VPS52: variants seen among roughly 807,000 people sequenced by gnomAD.
VPS52 encodes the protein VPS52 subunit of GARP complex, also known as vacuolar protein sorting-associated protein 52 homolog.
In VPS52, 56 loss-of-function variants were observed where a neutral mutation model predicts 98.7. The ratio of observed to expected loss-of-function variants is 0.57; its 90% CI spans 0.46 to 0.71. The LOEUF is 0.71. VPS52 is among the 30% of genes least tolerant of loss of function. VPS52 has a pLI of 0.00. For missense variants in VPS52, 742 were observed against 925.9 expected (o/e 0.80, Z 2.58); for synonymous variants, 348 against 346.4 (o/e 1.00, Z -0.05).
At position 33,250,531 on chromosome 6, in the gene VPS52, G is replaced by A. The variant is rs925014906; in HGVS notation, c.*310C>T. 1 of 344,334 alleles carries A rather than the reference G, an allele frequency of 2.9e-6. No individual in the cohort carries two copies. Among genetic ancestry groups the A allele is most frequent in the Non-Finnish European group, 5.3e-6 (1 of 189,504 alleles). 21.3% of individuals were successfully genotyped at this position (344,334 alleles called of 1,614,324 possible). On this transcript the variant is annotated 3_prime_UTR_variant, in exon 20 of 20. Transcript: ENST00000445902. ...GATTGAGGCAGTGGTTTTTACAGGG[G>A]AAGAAACAAGCCTTGGGTGTATGGG...
rs9501289 is a variant in VPS52, at chr6:33,263,283, A to C, written c.1794+201T>G. Among the ~76,000 whole-genome samples, 248 of 150,576 alleles carry C rather than the reference A, an allele frequency of 1.6e-3. 3 individuals are homozygous for C. The highest frequency in any genetic ancestry group is 5.7e-3 in the African/African-American group (235 of 40,990). The stretch of plus-strand genomic sequence containing the variant: ...TGCCTCAAAAAAAAAAAAAAAAAAA[A>C]ACCAAAGACAAAATAAAATAAAATA... On this transcript the variant is annotated intron_variant, in intron 17 of 19. Coordinates refer to ENST00000445902, the MANE Select transcript of VPS52 (RefSeq NM_022553.6).
At position 33,271,328 on chromosome 6, in the gene VPS52, T is replaced by C. The variant is rs539073511; in HGVS notation, c.90+258A>G. 1,032 of 668,912 alleles carry C rather than the reference T, an allele frequency of 1.5e-3. 10 individuals carry two copies. In the Middle Eastern group the frequency reaches 0.016, roughly 11 times the overall value. The allele number at this position is 668,912 out of a possible 1,614,324, so 41.4% of individuals were successfully genotyped here. A position where few individuals can be genotyped will look rare whatever the true frequency, so the allele number is the denominator to read the frequency against. ...AGTCTGGCTTCAGAGGCCATGTTCTTAACCTTTACACTATACTACTTCGTG... is the reference window on the plus strand; with the variant it reads ...AGTCTGGCTTCAGAGGCCATGTTCTCAACCTTTACACTATACTACTTCGTG... On this transcript the variant is annotated intron_variant, in intron 1 of 19. Coordinates refer to ENST00000445902, the MANE Select transcript of VPS52 (RefSeq NM_022553.6).
intron 12 of VPS52, among the ~76,000 whole-genome samples, chr6:33,265,296 G>A (rs1451615383): frequency 6.6e-6 from 1 of 152,104 alleles, no homozygotes; most frequent in Non-Finnish European, 1.5e-5. Flanking sequence ...AGCTGGTCTC[G>A]AACTCCTGAC....
At position 33,268,150 on chromosome 6, in the gene VPS52, A is replaced by G; in HGVS notation, c.758T>C (p.Met253Thr). The G allele has an allele frequency of 1.2e-6, 2 of 1,613,078 alleles. No individual in the cohort carries two copies. The highest frequency in any genetic ancestry group is 1.7e-6 in the Non-Finnish European group (2 of 1,180,028). The change falls in exon 8 of 20, where the codon ATG becomes ACG. Residue 253 changes from methionine (M) to threonine (T), a missense_variant. Coordinates refer to ENST00000445902, the MANE Select transcript of VPS52 (RefSeq NM_022553.6). The surrounding 1 kb of genome is among the most constrained non-coding windows in gnomAD (Gnocchi z 4.0). ...LQKIYSFRKP[M>T]TNYQIPQTAL... ...CGTCTGGGGGATCTGATAGTTGGTC[A>G]TGGGTTTCCTGAAGGAATAAATCTT...
Position 33,250,712 on chromosome 6 carries a change from G to A in VPS52, c.*129C>T. On this transcript the variant is annotated 3_prime_UTR_variant, in exon 20 of 20. Coordinates refer to ENST00000445902, the MANE Select transcript of VPS52 (RefSeq NM_022553.6). ...GGCAAGGTGCTGGGAGTGAAGGCAG[G>A]TAAGCCATGTCAAGGGCCTGGGAAG... is the stretch of plus-strand genomic sequence containing the variant. 1 of 1,272,432 alleles carries A rather than the reference G, an allele frequency of 7.9e-7. No individual in the cohort carries two copies. The highest frequency in any genetic ancestry group is 2.4e-5 in the East Asian group (1 of 42,534). The allele number at this position is 1,272,432 out of a possible 1,614,324, so 78.8% of individuals were successfully genotyped here. A position where few individuals can be genotyped will look rare whatever the true frequency, so the allele number is the denominator to read the frequency against.
chr6:33,266,619 A>G lies in VPS52; in HGVS notation c.1219T>C (p.Ser407Pro), dbSNP rs1249088105. The change falls in exon 12 of 20, where the codon TCT becomes CCT. Residue 407 changes from serine (S) to proline (P), a missense_variant. By Grantham distance (74) the Ser-to-Pro change is moderately conservative. Transcript: ENST00000445902. ...AACAGGTCGTGTGCAGCTGGGCCAG[A>G]CACAACAAAAAATTCACAGATGAAA... ...YLFICEFFVVSGPAAHDLFHA... is the reference protein window; with the variant it reads ...YLFICEFFVVPGPAAHDLFHA... 6.2e-7 allele frequency: 1 copy of G among 1,612,988 alleles called. No individual in the cohort carries two copies. The highest frequency in any genetic ancestry group is 1.1e-5 in the South Asian group (1 of 91,082).
chr6:33,255,240 T>C (rs1164532066), intron 17 of VPS52, among the ~76,000 whole-genome samples: 1 of 152,022 alleles, frequency 6.6e-6, no homozygotes, highest in East Asian at 1.9e-4. Context: ...GCTTTAACAA[T>C]CTTTCCTACG....
chr6:33,270,045 A>G lies in VPS52; in HGVS notation c.182T>C (p.Ile61Thr). ...TAACTCATCCTCCAGATTTGCCTGA[A>G]TGTGAACTGGAAATAGAAGTTTATC... ...EFILDEVDVH[I>T]QANLEDELVK... The change falls in exon 3 of 20, where the codon ATT (isoleucine) becomes ACT (threonine). Residue 61 changes from isoleucine (I) to threonine (T), a missense_variant. This residue lies in a region of VPS52 where 152 missense variants were observed against 132.6 expected (regional missense o/e 1.15). Transcript: ENST00000445902. The G allele has an allele frequency of 6.2e-7, 1 of 1,614,212 alleles. No individual in the cohort carries two copies. Among genetic ancestry groups the G allele is most frequent in the Non-Finnish European group, 8.5e-7 (1 of 1,180,044 alleles).
At chr6:33,270,346 G>A in intron 1 of VPS52, 63 bp from the exon 2 acceptor site, 1 of 1,470,424 alleles carries the variant, frequency 6.8e-7, no homozygotes. Flanking sequence ...AAATATAATT[G>A]GATATCCCCA....
At position 33,268,541 on chromosome 6, in the gene VPS52, G is replaced by A. The variant is rs1168883712; in HGVS notation, c.657C>T (p.Ala219=). The change falls in exon 7 of 20, where the codon GCC becomes GCT. Residue 219 remains alanine (A), a synonymous_variant. Coordinates refer to ENST00000445902, the MANE Select transcript of VPS52 (RefSeq NM_022553.6). This position sits in a 1 kb window ranked among gnomAD's most constrained non-coding sequence, Gnocchi z 4.0. ...CGAGCACGCCTCTGACATCTGCGCA[G>A]GCTGCTGTGCCTCTAGCTTCCTGCT... The part of the protein sequence containing the change: ...VREQEARGTA[A]CADVRGVLDR... The A allele has an allele frequency of 6.2e-7, 1 of 1,612,544 alleles. No individual in the cohort carries two copies. Among genetic ancestry groups the A allele is most frequent in the Non-Finnish European group, 8.5e-7 (1 of 1,179,864 alleles).
chr6:33,263,711 A>G, intron 16 of VPS52, 61 bp downstream of exon 16: 1 of 1,602,560 alleles, frequency 6.2e-7, no homozygotes, highest in African/African-American at 1.3e-5. Context: ...CACAGAGCTA[A>G]CAGCAGTGGG....
At position 33,264,826 on chromosome 6, in the gene VPS52, C is replaced by A. The variant is rs1349274115; in HGVS notation, c.1356G>T (p.Arg452=). The change falls in exon 13 of 20, where the codon CGG becomes CGT. Residue 452 remains arginine (R), a synonymous_variant. Transcript: ENST00000445902. The part of the protein sequence containing the change: ...AVFLCIHIVL[R]FRNIAAKRDV... ...CCCTCTTTGCTGCAATGTTACGGAA[C>A]CGGAGAACAATGTGGATACAGAGAA... 3.1e-6 allele frequency: 5 copies of A among 1,613,014 alleles called. No individual in the cohort carries two copies. Among genetic ancestry groups the A allele is most frequent in the Non-Finnish European group, 3.4e-6 (4 of 1,180,034 alleles).
rs1764645672 is a variant in VPS52 at position 33,268,789 on chromosome 6, A to G, written c.549-140T>C. 1 of 1,208,992 alleles carries G rather than the reference A, an allele frequency of 8.3e-7. No homozygotes were observed. Among genetic ancestry groups the G allele is most frequent in the Non-Finnish European group, 1.1e-6 (1 of 890,660 alleles). 74.9% of individuals were successfully genotyped at this position (1,208,992 alleles called of 1,614,324 possible). A position where few individuals can be genotyped will look rare whatever the true frequency, so the allele number is the denominator to read the frequency against. ...ACCATATAGTCAGGACACATGTACA[A>G]AGTTTTCTATTCCTGGACCTCCCCA... is the stretch of plus-strand genomic sequence containing the variant. On this transcript the variant is annotated intron_variant, in intron 6 of 19. Coordinates refer to ENST00000445902, the MANE Select transcript of VPS52 (RefSeq NM_022553.6). This position sits in a 1 kb window ranked among gnomAD's most constrained non-coding sequence, Gnocchi z 4.0.
At chr6:33,258,331 A>G (rs1267801974) in intron 17 of VPS52, among the ~76,000 whole-genome samples, 1 of 148,570 alleles carries the variant, frequency 6.7e-6, no homozygotes, top group African/African-American at 2.5e-5. Context: ...AGGTGCAGTG[A>G]GCTGAGATCA....
chr6:33,266,591 T>C lies in VPS52; in HGVS notation c.1247A>G (p.His416Arg). ...VSGPAAHDLFHAVMGRTLSMT... is the reference protein window; with the variant it reads ...VSGPAAHDLFRAVMGRTLSMT... ...GCTGAGTGTACGGCCCATGACAGCA[T>C]GGAACAGGTCGTGTGCAGCTGGGCC... Residue 416 changes from histidine to arginine, a missense_variant, in exon 12 of 20, where the codon CAT becomes CGT. Transcript: ENST00000445902. The C allele has an allele frequency of 6.2e-7, 1 of 1,612,416 alleles. No homozygotes were observed. Among genetic ancestry groups the C allele is most frequent in the East Asian group, 2.2e-5 (1 of 44,868 alleles).
chr6:33,269,213 G>C, intron 5 of VPS52, 24 bp from the exon 6 acceptor site: 1 of 1,612,392 alleles, frequency 6.2e-7, no homozygotes, highest in Non-Finnish European at 8.5e-7. Flanking sequence ...AGATGTTGCC[G>C]GAGTGCTATA....
At chr6:33,269,722 C>G (rs1562577912) in intron 4 of VPS52, 22 bp downstream of exon 4, 6 of 1,611,070 alleles carry the variant, frequency 3.7e-6, no homozygotes, top group Non-Finnish European at 5.1e-6. Context: ...TAGCACCACC[C>G]CTTCCCTCTG....
At chr6:33,266,434 A>T in intron 12 of VPS52, 123 bp downstream of exon 12, 1 of 1,312,876 alleles carries the variant, frequency 7.6e-7, no homozygotes, top group South Asian at 1.8e-5. Context: ...CGCCCAGCCA[A>T]GGCTTAGACA....
Position 33,270,066 on chromosome 6 carries a change from T to G in VPS52, c.176-15A>C. 1.2e-6 allele frequency: 2 copies of G among 1,614,120 alleles called. No individual in the cohort carries two copies. Among genetic ancestry groups the G allele is most frequent in the Non-Finnish European group, 1.7e-6 (2 of 1,180,026 alleles). On this transcript the variant is annotated splice_polypyrimidine_tract_variant and intron_variant, in intron 2 of 19. Transcript: ENST00000445902. The stretch of plus-strand genomic sequence containing the variant: ...CTGAATGTGAACTGGAAATAGAAGT[T>G]TATCATAAGGGTCCAGCTCCACAGC...
Sources: allele counts gnomAD v4.1 joint callset (sites outside exome capture counted in the v4.1 genomes callset), GRCh38; gene constraint gnomAD v4.1.1; regional missense constraint gnomAD v4.1.1; non-coding constraint Gnocchi (gnomAD v3.1); transcripts MANE v1.5; gene names NCBI Gene and HGNC (gene_info 2026-07-23, HGNC 2026-07-21).